Variants in ZC3H12B observed in about 807,000 individuals in gnomAD.
ZC3H12B encodes the protein zinc finger CCCH-type containing 12B, also known as probable ribonuclease ZC3H12B.
ZC3H12B carries 7 observed loss-of-function variants against 43.9 expected under a neutral mutation model. That is an observed-to-expected ratio of 0.16 (90% confidence interval 0.09 to 0.30). The LOEUF is 0.30. ZC3H12B is among the 10% of genes least tolerant of loss of function. The probability of loss-of-function intolerance (pLI) is 1.00; values close to 1 mark genes in which losing one functional copy is unlikely to be tolerated. For missense variants in ZC3H12B, 475 were observed against 670.2 expected, an observed-to-expected ratio of 0.71 and a Z score of 3.22; for synonymous variants, 222 against 241.7, an observed-to-expected ratio of 0.92 and a Z score of 0.76.
the ZC3H12B span, among the ~76,000 whole-genome samples, chrX:65,116,831 G>A: frequency 9.0e-6 from 1 of 110,916 alleles, no homozygotes; most frequent in Non-Finnish European, 1.9e-5. Flanking sequence ...CTGTTCTTGT[G>A]ATACTTTGCT....
the ZC3H12B span, among the ~76,000 whole-genome samples, chrX:65,039,170 A>G: frequency 7.1e-5 from 8 of 111,928 alleles, no homozygotes; most frequent in East Asian, 2.0e-3. Context: ...GCTGTCTCAT[A>G]CACAGTTATT....
chrX:65,138,495 G>A, the ZC3H12B span, among the ~76,000 whole-genome samples: 4 of 111,994 alleles, frequency 3.6e-5, no homozygotes, highest in Admixed American at 1.9e-4. Flanking sequence ...ATGAACACTT[G>A]TGTTTATTTC....
intron 3 of ZC3H12B, among the ~76,000 whole-genome samples, chrX:65,475,463 T>C (rs2067980337): frequency 9.0e-6 from 1 of 111,005 alleles, no homozygotes; most frequent in Non-Finnish European, 1.9e-5. Context: ...TTTCAGGACT[T>C]TGAATATATG....
the ZC3H12B span, among the ~76,000 whole-genome samples, chrX:65,238,242 G>A: frequency 9.0e-6 from 1 of 111,584 alleles, no homozygotes; most frequent in South Asian, 3.7e-4. Context: ...TTTGTTGGTT[G>A]GTAGGCTACT....
intron 3 of ZC3H12B, among the ~76,000 whole-genome samples, chrX:65,445,067 T>C (rs542113511): frequency 8.9e-6 from 1 of 112,451 alleles, no homozygotes. Context: ...AAATTATTTC[T>C]ATTTCTTTGT....
At chrX:65,365,908 A>G (rs1319474068), upstream of ZC3H12B, among the ~76,000 whole-genome samples, 1 of 109,513 alleles carries the variant, frequency 9.1e-6, no homozygotes, top group Non-Finnish European at 1.9e-5. Context: ...ATCTCCCTTC[A>G]TTGACTCTCT....
chrX:65,137,404 G>T, the ZC3H12B span, among the ~76,000 whole-genome samples: 2 of 111,970 alleles, frequency 1.8e-5, no homozygotes, highest in African/African-American at 6.5e-5. Context: ...GCTTAAATTT[G>T]CTATCTCTGA....
the ZC3H12B span, among the ~76,000 whole-genome samples, chrX:65,166,028 G>A: frequency 1.9e-5 from 2 of 103,751 alleles, no homozygotes; most frequent in African/African-American, 8.6e-5. Context: ...GTTTTGATTT[G>A]TATTTCTTTT....
chrX:65,258,883 G>A, the ZC3H12B span, among the ~76,000 whole-genome samples: 2 of 111,002 alleles, frequency 1.8e-5, no homozygotes, highest in Non-Finnish European at 3.8e-5. Context: ...ACTCTACAAG[G>A]AAAATTACAA....
At chrX:65,080,444 C>G in the ZC3H12B span, among the ~76,000 whole-genome samples, 2 of 109,857 alleles carry the variant, frequency 1.8e-5, no homozygotes, top group African/African-American at 6.6e-5. Flanking sequence ...ATCAAACTCC[C>G]GAAGGTCAAG....
At chrX:65,315,320 T>A in the ZC3H12B span, among the ~76,000 whole-genome samples, 2 of 111,948 alleles carry the variant, frequency 1.8e-5, no homozygotes, top group Non-Finnish European at 3.8e-5. Context: ...GTAAAATATA[T>A]GACAACAGCA....
At chrX:65,153,987 A>T in the ZC3H12B span, among the ~76,000 whole-genome samples, 1 of 111,325 alleles carries the variant, frequency 9.0e-6, no homozygotes, top group Non-Finnish European at 1.9e-5. Context: ...AGGACAAAAA[A>T]CCAAACACCG....
chrX:65,154,100 G>A, the ZC3H12B span, among the ~76,000 whole-genome samples: 1 of 111,070 alleles, frequency 9.0e-6, no homozygotes, highest in African/African-American at 3.3e-5. Context: ...GGAGGGGGCA[G>A]GGATAACATT....
chrX:65,300,170 G>A, the ZC3H12B span, among the ~76,000 whole-genome samples: 1 of 112,181 alleles, frequency 8.9e-6, no homozygotes, highest in East Asian at 2.8e-4. Context: ...TGGGGGAAGG[G>A]TGAATGGGGC....
the ZC3H12B span, among the ~76,000 whole-genome samples, chrX:65,117,131 CCA>C: frequency 1.5e-3 from 170 of 111,906 alleles, 2 homozygotes; most frequent in African/African-American, 5.4e-3. Flanking sequence ...TGAGGAATTG[CCA>C]CACTGTCTTC....
At chrX:65,334,557 T>C in the ZC3H12B span, among the ~76,000 whole-genome samples, 1 of 112,160 alleles carries the variant, frequency 8.9e-6, no homozygotes, top group Non-Finnish European at 1.9e-5. Context: ...CTGAAAAAAA[T>C]ATTTTTAAGC....
the ZC3H12B span, among the ~76,000 whole-genome samples, chrX:65,246,016 A>C: frequency 8.9e-6 from 1 of 112,149 alleles, no homozygotes; most frequent in Admixed American, 9.5e-5. Context: ...AGAAAACTTC[A>C]TAGCTTTCTC....
the ZC3H12B span, among the ~76,000 whole-genome samples, chrX:65,043,193 G>A: frequency 9.0e-6 from 1 of 111,062 alleles, no homozygotes; most frequent in Non-Finnish European, 1.9e-5. Context: ...ACAATTCCCA[G>A]AGAAGGGAAG....
the ZC3H12B span, among the ~76,000 whole-genome samples, chrX:65,121,742 A>T: frequency 9.0e-6 from 1 of 110,743 alleles, no homozygotes; most frequent in African/African-American, 3.3e-5. Flanking sequence ...TTGTGATGTT[A>T]AGGTGTCAAT....
Sources: allele counts gnomAD v4.1 joint callset (sites outside exome capture counted in the v4.1 genomes callset), GRCh38; gene constraint gnomAD v4.1.1; transcripts MANE v1.5; gene names NCBI Gene and HGNC (gene_info 2026-07-23, HGNC 2026-07-21).